ZMYND8: variants seen among roughly 807,000 people sequenced by gnomAD.
The protein encoded by ZMYND8 is MYND-type zinc finger-containing chromatin reader ZMYND8.
Under a neutral mutation model 140.8 loss-of-function variants are expected in ZMYND8, and 37 were observed. The observed-to-expected ratio is 0.26, with a 90% CI of 0.20 to 0.35. The LOEUF is 0.35. Among genes scored for constraint, ZMYND8 ranks in the 10% least tolerant of loss-of-function variants. The probability of loss-of-function intolerance (pLI) is 1.00; values close to 1 mark genes in which losing one functional copy is unlikely to be tolerated. For synonymous variants in ZMYND8, 592 were observed against 597.1 expected (o/e 0.99, Z 0.12); for missense variants, 1,068 against 1,570.0 (o/e 0.68, Z 5.40).
At chr20:47,268,899 C>A (rs2075738009) in intron 11 of ZMYND8, among the ~76,000 whole-genome samples, 1 of 152,062 alleles carries the variant, frequency 6.6e-6, no homozygotes, top group African/African-American at 2.4e-5. Flanking sequence ...GATTAACAAT[C>A]CAAAGAAGAG....
intron 13 of ZMYND8, among the ~76,000 whole-genome samples, chr20:47,246,997 C>A (rs1307157999): frequency 6.6e-6 from 1 of 152,132 alleles, no homozygotes; most frequent in Non-Finnish European, 1.5e-5. Context: ...CCTTGGGTTT[C>A]CAAAGGGTTA....
At chr20:47,288,995 G>A (rs1168576925) in intron 7 of ZMYND8, among the ~76,000 whole-genome samples, 2 of 152,072 alleles carry the variant, frequency 1.3e-5, no homozygotes, top group East Asian at 1.9e-4. Flanking sequence ...CCAGCTACTC[G>A]GGAGGCTGAG....
chr20:47,323,851 G>A (rs1055545910), intron 2 of ZMYND8, among the ~76,000 whole-genome samples: 2 of 152,124 alleles, frequency 1.3e-5, no homozygotes, highest in African/African-American at 4.8e-5. Flanking sequence ...TGTCCCAACA[G>A]GTTACTTCAC....
At chr20:47,254,226 A>G (rs1216730803) in intron 12 of ZMYND8, among the ~76,000 whole-genome samples, 1 of 152,228 alleles carries the variant, frequency 6.6e-6, no homozygotes, top group Non-Finnish European at 1.5e-5. Flanking sequence ...CAGGGATGAA[A>G]AATACTCACG....
At chr20:47,295,014 G>A (rs898931512) in intron 4 of ZMYND8, among the ~76,000 whole-genome samples, 4 of 152,152 alleles carry the variant, frequency 2.6e-5, no homozygotes, top group South Asian at 2.1e-4. Context: ...TCAGGAAGAC[G>A]ACATGATCTG....
At chr20:47,345,706 A>T (rs1468409222) in intron 2 of ZMYND8, among the ~76,000 whole-genome samples, 5 of 151,780 alleles carry the variant, frequency 3.3e-5, no homozygotes, top group Admixed American at 2.6e-4. Context: ...ATGGGGTTTC[A>T]CCGTGTTGCC....
At chr20:47,232,069 T>C (rs902250834) in intron 16 of ZMYND8, among the ~76,000 whole-genome samples, 7 of 152,014 alleles carry the variant, frequency 4.6e-5, no homozygotes, top group African/African-American at 1.4e-4. Context: ...AAGAAAACAC[T>C]TATCAAAAAA....
rs138563678 is a variant in ZMYND8 at position 47,245,600 on chromosome 20, T to C, written c.2284+408A>G. On this transcript the variant is annotated intron_variant, in intron 14 of 22. Transcript: ENST00000471951. The stretch of plus-strand genomic sequence containing the variant: ...TTGTCAAAAGAGAATGAGATGTCTG[T>C]GGAATGCAGCACTGAAGGACCATTT... 2.7e-4 allele frequency among the ~76,000 whole-genome samples: 41 copies of C among 152,308 alleles called. 1 individual carries two copies. The East Asian group carries it at 7.7e-3, about 29-fold the overall frequency.
At chr20:47,296,518 T>C (rs2077644578) in intron 4 of ZMYND8, among the ~76,000 whole-genome samples, 1 of 152,138 alleles carries the variant, frequency 6.6e-6, no homozygotes, top group South Asian at 2.1e-4. Flanking sequence ...CTTATGGCCA[T>C]GGAGAACATG....
chr20:47,278,854 G>A (rs770509672), intron 10 of ZMYND8, among the ~76,000 whole-genome samples: 2 of 152,068 alleles, frequency 1.3e-5, no homozygotes, highest in Non-Finnish European at 2.9e-5. Flanking sequence ...GCACAGATCA[G>A]GACTACTAGA....
At chr20:47,262,590 C>T (rs1286688884) in intron 11 of ZMYND8, among the ~76,000 whole-genome samples, 162 bp from the exon 12 acceptor site, 5 of 151,970 alleles carry the variant, frequency 3.3e-5, no homozygotes, top group Non-Finnish European at 5.9e-5. Flanking sequence ...AGCAGGTTGG[C>T]CATTTATTTT....
intron 2 of ZMYND8, among the ~76,000 whole-genome samples, chr20:47,342,968 G>A (rs1214092264): frequency 6.6e-6 from 1 of 151,482 alleles, no homozygotes; most frequent in Non-Finnish European, 1.5e-5. Context: ...CAGAAGACAA[G>A]AAAGTGCTCA....
intron 2 of ZMYND8, chr20:47,319,912 T>A (rs577947934): frequency 2.3e-5 from 3 of 128,582 alleles, no homozygotes; most frequent in East Asian, 2.8e-4. Flanking sequence ...CATGTGTACA[T>A]GAGGCCCTTC....
At chr20:47,227,027 C>T (rs1347727707) in intron 18 of ZMYND8, among the ~76,000 whole-genome samples, 176 bp downstream of exon 18, 1 of 152,172 alleles carries the variant, frequency 6.6e-6, no homozygotes, top group East Asian at 1.9e-4. Flanking sequence ...CCCGCCAACA[C>T]CCACTCTTAC....
At chr20:47,276,910 T>TTTAAAA in intron 10 of ZMYND8, 115 bp from the exon 11 acceptor site, 1 of 514,874 alleles carries the variant, frequency 1.9e-6, no homozygotes, top group Non-Finnish European at 2.7e-6. Context: ...CTTATTCTAT[T>TTTAAAA]AAAAAAAAAA....
chr20:47,294,562 G>T, intron 5 of ZMYND8, 104 bp downstream of exon 5: 1 of 1,012,052 alleles, frequency 9.9e-7, no homozygotes, highest in Non-Finnish European at 1.5e-6. Context: ...ATGCAAGGAG[G>T]CCCAAAGAAT....
In ZMYND8 at chr20:47,219,214, C is replaced by T. The variant is rs552264015; in HGVS notation, c.3484+1044G>A. ...CTGGGATTACAGGCGCATGTCACCA[C>T]GCCCAGCTAATTTTTGTACTTTTAG... On this transcript the variant is annotated intron_variant, in intron 21 of 22. Coordinates refer to ENST00000471951, the MANE Select transcript of ZMYND8 (RefSeq NM_001281775.3). 1.2e-3 allele frequency among the ~76,000 whole-genome samples: 186 copies of T among 151,656 alleles called. 1 individual carries two copies. Among genetic ancestry groups the T allele is most frequent in the African/African-American group, 4.2e-3 (176 of 41,434 alleles).
chr20:47,290,880 C>T (rs1330917916), intron 6 of ZMYND8, among the ~76,000 whole-genome samples: 1 of 151,918 alleles, frequency 6.6e-6, no homozygotes, highest in Non-Finnish European at 1.5e-5. Flanking sequence ...CTTGAGCCAC[C>T]GCGCCCGGCC....
At chr20:47,281,557 C>T (rs758106777) in intron 10 of ZMYND8, among the ~76,000 whole-genome samples, 3 of 152,242 alleles carry the variant, frequency 2.0e-5, no homozygotes, top group African/African-American at 7.2e-5. Flanking sequence ...TTCACTCTGC[C>T]GTGTACGGAG....
Sources: allele counts gnomAD v4.1 joint callset (sites outside exome capture counted in the v4.1 genomes callset), GRCh38; gene constraint gnomAD v4.1.1; transcripts MANE v1.5; gene names NCBI Gene and HGNC (gene_info 2026-07-23, HGNC 2026-07-21).